The following TSG101 variants were observed in gnomAD, a reference collection of about 807,000 sequenced individuals.
TSG101 encodes tumor susceptibility gene 101 protein.
A neutral mutation model predicts 48.5 loss-of-function variants in TSG101; 19 were observed. The observed-to-expected ratio is 0.39, with a 90% CI of 0.27 to 0.58. TSG101 has a LOEUF of 0.58. Among genes scored for constraint, TSG101 ranks in the 20% least tolerant of loss-of-function variants. TSG101 has a pLI of 0.55. For missense variants in TSG101, 365 were observed against 484.4 expected, an observed-to-expected ratio of 0.75 and a Z score of 2.31; for synonymous variants, 174 against 169.4, an observed-to-expected ratio of 1.03 and a Z score of -0.21.
chr11:18,489,064 G>A (rs1255264638), intron 7 of TSG101, among the ~76,000 whole-genome samples: 3 of 151,392 alleles, frequency 2.0e-5, no homozygotes, highest in Admixed American at 6.6e-5. Context: ...GCAGTGAGCC[G>A]AGATCATGCC....
chr11:18,488,559 T>G (rs1849653386), intron 7 of TSG101, among the ~76,000 whole-genome samples: 2 of 152,138 alleles, frequency 1.3e-5, no homozygotes, highest in East Asian at 3.8e-4. Context: ...TAAAAATACT[T>G]TTTTGATTCA....
At chr11:18,481,915 C>T (rs778297333) in intron 8 of TSG101, 46 bp from the exon 9 acceptor site, 1 of 1,596,046 alleles carries the variant, frequency 6.3e-7, no homozygotes, top group South Asian at 1.1e-5. Flanking sequence ...CATAATTATC[C>T]ACTTGTCAGA....
intron 7 of TSG101, among the ~76,000 whole-genome samples, chr11:18,488,495 C>T (rs995143328): frequency 2.0e-5 from 3 of 152,106 alleles, no homozygotes; most frequent in Non-Finnish European, 4.4e-5. Context: ...TGGTGAGGGG[C>T]ACTAAAAAGC....
intron 3 of TSG101, 78 bp from the exon 4 acceptor site, chr11:18,514,919 T>C: frequency 7.6e-7 from 1 of 1,322,518 alleles, no homozygotes; most frequent in Non-Finnish European, 1.0e-6. Context: ...AACAGAGGTT[T>C]AGTCTAGATA....
At chr11:18,515,333 C>A (rs1330380997) in intron 3 of TSG101, among the ~76,000 whole-genome samples, 1 of 152,114 alleles carries the variant, frequency 6.6e-6, no homozygotes, top group African/African-American at 2.4e-5. Flanking sequence ...TCCTTATTGC[C>A]TTATGAATAG....
At chr11:18,502,362 CATT>C in intron 7 of TSG101, 121 bp downstream of exon 7, 2 of 624,474 alleles carry the variant, frequency 3.2e-6, no homozygotes, top group Admixed American at 3.3e-5. Context: ...GATTATAGTA[CATT>C]ATTATAGGTT....
chr11:18,519,409 C>A (rs907109949), intron 2 of TSG101, 110 bp downstream of exon 2: 7 of 812,448 alleles, frequency 8.6e-6, no homozygotes, highest in African/African-American at 3.5e-5. Context: ...GGCGGTGGTG[C>A]AATCCCACAA....
chr11:18,517,846 G>A (rs535643888), intron 2 of TSG101, among the ~76,000 whole-genome samples: 1 of 152,262 alleles, frequency 6.6e-6, no homozygotes, highest in East Asian at 1.9e-4. Flanking sequence ...TTTACTTACT[G>A]TTGACGAATG....
At chr11:18,517,381 ATAAT>A in intron 2 of TSG101, among the ~76,000 whole-genome samples, 2 of 152,356 alleles carry the variant, frequency 1.3e-5, no homozygotes, top group Middle Eastern at 6.8e-3. Context: ...ATTTATGTCT[ATAAT>A]TAATATGGCA....
chr11:18,503,039 C>A (rs1849914128), intron 6 of TSG101, among the ~76,000 whole-genome samples: 3 of 152,122 alleles, frequency 2.0e-5, no homozygotes, highest in Admixed American at 2.0e-4. Flanking sequence ...TCGTACCAAA[C>A]TCATCTTTAG....
intron 1 of TSG101, among the ~76,000 whole-genome samples, chr11:18,521,108 T>C (rs1466720312): frequency 6.6e-6 from 1 of 152,164 alleles, no homozygotes; most frequent in Non-Finnish European, 1.5e-5. Flanking sequence ...GATAACGTTT[T>C]TTCATCATGG....
At chr11:18,495,829 C>T (rs185115277) in intron 7 of TSG101, among the ~76,000 whole-genome samples, 1 of 151,692 alleles carries the variant, frequency 6.6e-6, no homozygotes, top group Non-Finnish European at 1.5e-5. Flanking sequence ...AAGGCTGAGG[C>T]AGGAGAATGG....
At chr11:18,499,402 A>ATATATATATATATATATATATATATTTTT in intron 7 of TSG101, among the ~76,000 whole-genome samples, 1 of 5,450 alleles carries the variant, frequency 1.8e-4, no homozygotes, top group Non-Finnish European at 3.5e-4. Flanking sequence ...ATATATATAT[A>ATATATATATATATATATATATATATTTTT]TTTTTTTTTT....
chr11:18,499,247 TTA>T (rs1331778924), intron 7 of TSG101, among the ~76,000 whole-genome samples: 1 of 136,044 alleles, frequency 7.4e-6, no homozygotes, highest in Non-Finnish European at 1.5e-5. Context: ...AATTATATAT[TTA>T]TATATTATAT....
At chr11:18,487,331 C>A (rs1849634133) in intron 7 of TSG101, among the ~76,000 whole-genome samples, 1 of 151,626 alleles carries the variant, frequency 6.6e-6, no homozygotes, top group Non-Finnish European at 1.5e-5. Flanking sequence ...AAGAATACTA[C>A]CATAATTACC....
At chr11:18,485,421 T>G (rs890981619) in intron 7 of TSG101, among the ~76,000 whole-genome samples, 1 of 152,180 alleles carries the variant, frequency 6.6e-6, no homozygotes, top group African/African-American at 2.4e-5. Flanking sequence ...TTATGCAGCC[T>G]AAATACTAAA....
At chr11:18,481,071 G>A (rs1164870532) in intron 9 of TSG101, among the ~76,000 whole-genome samples, 4 of 152,142 alleles carry the variant, frequency 2.6e-5, no homozygotes, top group Non-Finnish European at 4.4e-5. Context: ...TATCCCAAGG[G>A]TGGCTGCTAT....
chr11:18,505,654 TTTCA>T (rs1849957777), intron 6 of TSG101, among the ~76,000 whole-genome samples: 1 of 152,332 alleles, frequency 6.6e-6, no homozygotes, highest in East Asian at 1.9e-4. Flanking sequence ...AACAGACTGA[TTTCA>T]TTGTTAATTT....
chr11:18,505,293 G>A (rs889991257), intron 6 of TSG101, among the ~76,000 whole-genome samples: 9 of 150,226 alleles, frequency 6.0e-5, no homozygotes, highest in African/African-American at 2.2e-4. Context: ...TTCTCACTCT[G>A]TTGGCCAGAC....
Sources: allele counts gnomAD v4.1 joint callset (sites outside exome capture counted in the v4.1 genomes callset), GRCh38; gene constraint gnomAD v4.1.1; transcripts MANE v1.5; gene names NCBI Gene and HGNC (gene_info 2026-07-23, HGNC 2026-07-21).